The following IL17RA variants were observed in gnomAD, a reference collection of about 807,000 sequenced individuals.
The protein encoded by IL17RA is interleukin-17 receptor A.
A neutral mutation model predicts 50.4 loss-of-function variants in IL17RA; 34 were observed. That is an observed-to-expected ratio of 0.67 (90% CI 0.51 to 0.90). The LOEUF is 0.90. Ranked by LOEUF, IL17RA falls within the 40% of genes least tolerant of loss-of-function variation. IL17RA has a pLI of 0.00. For missense variants in IL17RA, 1,276 were observed against 1,169.8 expected (o/e 1.09, Z -1.32); for synonymous variants, 585 against 510.4 (o/e 1.15, Z -1.97).
intron 4 of IL17RA, among the ~76,000 whole-genome samples, chr22:17,099,830 A>G (rs1403238110): frequency 6.6e-6 from 1 of 152,236 alleles, no homozygotes; most frequent in East Asian, 1.9e-4. Context: ...AAATTCAAAT[A>G]TCATTGCAAC....
intron 1 of IL17RA, among the ~76,000 whole-genome samples, chr22:17,089,836 G>A (rs772953096): frequency 6.6e-6 from 1 of 151,708 alleles, no homozygotes. Context: ...GCATGCTGCT[G>A]CATGACAGAG....
At chr22:17,101,555 G>T (rs1329712669) in intron 5 of IL17RA, among the ~76,000 whole-genome samples, 1 of 152,218 alleles carries the variant, frequency 6.6e-6, no homozygotes, top group Admixed American at 6.5e-5. Context: ...CATAGTTGGT[G>T]CTCAATATGT....
chr22:17,105,808 A>G (rs2061412420), intron 10 of IL17RA, 45 bp from the exon 11 acceptor site: 1 of 1,535,928 alleles, frequency 6.5e-7, no homozygotes, highest in Non-Finnish European at 8.9e-7. Flanking sequence ...CAGGGTGGGC[A>G]GGGCAGGCCC....
rs1163700749 is a variant in IL17RA at position 17,114,044 on chromosome 22, T to C, written c.*4224T>C. On this transcript the variant is annotated 3_prime_UTR_variant, in exon 13 of 13. Transcript: ENST00000319363. The stretch of plus-strand genomic sequence containing the variant: ...ATTATAGAAGTAATATGTGTTCCCA[T>C]ATTTGGCGTCTCTCAGGAGCTCAGG... 1.3e-5 allele frequency: 2 copies of C among 152,218 alleles called. No individual in the cohort carries two copies. Among genetic ancestry groups the C allele is most frequent in the Non-Finnish European group, 2.9e-5 (2 of 68,030 alleles). 9.4% of individuals were successfully genotyped at this position (152,218 alleles called of 1,614,324 possible).
Position 17,108,617 on chromosome 22 carries a change from G to C in IL17RA, c.1398G>C (p.Arg466=). The part of the protein sequence containing the change: ...QALLGRGAPV[R]LRCDHGKPVG... ...TCCTGGGCCGGGGGGCGCCTGTGCG[G>C]CTGCGCTGCGACCACGGAAAGCCCG... Residue 466 remains arginine (R), a synonymous_variant, in exon 13 of 13, where the codon CGG becomes CGC. Transcript: ENST00000319363. The C allele has an allele frequency of 6.2e-7, 1 of 1,604,566 alleles. No individual in the cohort carries two copies. The highest frequency in any genetic ancestry group is 8.5e-7 in the Non-Finnish European group (1 of 1,179,608).
intron 5 of IL17RA, among the ~76,000 whole-genome samples, chr22:17,101,123 A>C (rs2061389770): frequency 6.6e-6 from 1 of 152,152 alleles, no homozygotes; most frequent in Admixed American, 6.5e-5. Context: ...TTGCTATCCT[A>C]GCTCAATGCA....
chr22:17,088,082 G>T (rs2061334585), intron 1 of IL17RA, among the ~76,000 whole-genome samples: 1 of 152,170 alleles, frequency 6.6e-6, no homozygotes, highest in African/African-American at 2.4e-5. Context: ...TTACAAGGTT[G>T]GCAGGATGAA....
At chr22:17,097,597 A>G in intron 2 of IL17RA, 200 bp from the exon 3 acceptor site, 1 of 614,146 alleles carries the variant, frequency 1.6e-6, no homozygotes, top group South Asian at 2.0e-5. Context: ...TTCCCTTTAG[A>G]CTTGAGAGGT....
intron 9 of IL17RA, among the ~76,000 whole-genome samples, 188 bp downstream of exon 9, chr22:17,104,998 G>GGA (rs1273443946): frequency 2.6e-5 from 4 of 152,168 alleles, no homozygotes; most frequent in Non-Finnish European, 2.9e-5. Flanking sequence ...TGGACTCCTG[G>GGA]CTGTCTTTCA....
intron 1 of IL17RA, among the ~76,000 whole-genome samples, chr22:17,088,006 GTTC>G (rs1003597984): frequency 6.6e-6 from 1 of 152,168 alleles, no homozygotes; most frequent in African/African-American, 2.4e-5. Flanking sequence ...ACAAAGTTGT[GTTC>G]TTTGTGCCAG....
At position 17,085,149 on chromosome 22, in the gene IL17RA, C is replaced by T. The variant is rs1189553717; in HGVS notation, c.58C>T (p.Leu20=). ...CCCGGGGCCCCTGCTGGGGCTGCTC[C>T]TGCTGCTCCTGGGCGTGCTGGCCCC... ...AVPGPLLGLL[L]LLLGVLAPGG... The change falls in exon 1 of 13, where the codon CTG becomes TTG. Residue 20 remains leucine (L), a synonymous_variant. Transcript: ENST00000319363. 1.3e-6 allele frequency: 2 copies of T among 1,512,176 alleles called. No homozygotes were observed. Among genetic ancestry groups the T allele is most frequent in the Non-Finnish European group, 1.8e-6 (2 of 1,136,020 alleles). The allele number at this position is 1,512,176 out of a possible 1,614,324, so 93.7% of individuals were successfully genotyped here.
At chr22:17,104,234 T>A (rs112246156) in intron 8 of IL17RA, among the ~76,000 whole-genome samples, 11 of 29,000 alleles carry the variant, frequency 3.8e-4, no homozygotes, top group South Asian at 1.5e-3. Context: ...AGGTGGAGAG[T>A]GTGGTGTGGC....
intron 5 of IL17RA, among the ~76,000 whole-genome samples, chr22:17,100,882 T>C (rs1445569099): frequency 6.6e-6 from 1 of 152,150 alleles, no homozygotes; most frequent in Non-Finnish European, 1.5e-5. Flanking sequence ...CCTTCCACCT[T>C]ACATTCTGCC....
rs1394917307 is a variant in IL17RA at position 17,109,562 on chromosome 22, C to T, written c.2343C>T (p.Pro781=). ...PAMVLTDPHT[P]YEEEQRQSVQ... Reference sequence around the variant, plus strand: ...TGGTCCTCACAGACCCACACACGCCCTACGAGGAGGAGCAGCGGCAGTCAG... The same window carrying T: ...TGGTCCTCACAGACCCACACACGCCTTACGAGGAGGAGCAGCGGCAGTCAG... The change falls in exon 13 of 13, where the codon CCC becomes CCT. Residue 781 remains proline, a synonymous_variant. Coordinates refer to ENST00000319363, the MANE Select transcript of IL17RA (RefSeq NM_014339.7). 3.1e-6 allele frequency: 5 copies of T among 1,600,288 alleles called. No individual in the cohort carries two copies. Among genetic ancestry groups the T allele is most frequent in the Non-Finnish European group, 3.4e-6 (4 of 1,173,506 alleles).
In IL17RA at chr22:17,112,336, GC is replaced by G. The variant is rs1292790007; in HGVS notation, c.*2517del. On this transcript the variant is annotated 3_prime_UTR_variant, in exon 13 of 13. Transcript: ENST00000319363. ...TACCATACAATCCACAATTGACCCTGCACAATTTGATGCCGGTTTAGTATAG... is the reference window on the plus strand; with the variant it reads ...TACCATACAATCCACAATTGACCCTGACAATTTGATGCCGGTTTAGTATAG... 1 of 152,178 alleles carries G rather than the reference GC, an allele frequency of 6.6e-6. No individual in the cohort carries two copies. Among genetic ancestry groups the G allele is most frequent in the African/African-American group, 2.4e-5 (1 of 41,420 alleles). 9.4% of individuals were successfully genotyped at this position (152,178 alleles called of 1,614,324 possible). A position where few individuals can be genotyped will look rare whatever the true frequency, so the allele number is the denominator to read the frequency against.
Position 17,114,234 on chromosome 22 carries a change from C to T in IL17RA, c.*4414C>T, listed in dbSNP as rs1286134828. Reference sequence around the variant, plus strand: ...CCGACGCTTTCCCCACGGGGCCTCCCCTCACTCTGAAATGGCATCCAGGTC... The same window carrying T: ...CCGACGCTTTCCCCACGGGGCCTCCTCTCACTCTGAAATGGCATCCAGGTC... On this transcript the variant is annotated 3_prime_UTR_variant, in exon 13 of 13. Transcript: ENST00000319363. 6.6e-6 allele frequency: 1 copy of T among 152,406 alleles called. No individual in the cohort carries two copies. Among genetic ancestry groups the T allele is most frequent in the Admixed American group, 6.5e-5 (1 of 15,286 alleles). 9.4% of individuals were successfully genotyped at this position (152,406 alleles called of 1,614,324 possible). A position where few individuals can be genotyped will look rare whatever the true frequency, so the allele number is the denominator to read the frequency against.
intron 1 of IL17RA, 34 bp downstream of exon 1, chr22:17,085,263 G>T (rs773043629): frequency 2.0e-6 from 3 of 1,535,936 alleles, no homozygotes; most frequent in Non-Finnish European, 2.6e-6. Context: ...TAGCCGCCAG[G>T]ATGCTGCGGA....
intron 1 of IL17RA, among the ~76,000 whole-genome samples, chr22:17,090,025 A>C (rs1344469428): frequency 1.3e-5 from 2 of 151,970 alleles, no homozygotes; most frequent in African/African-American, 4.8e-5. Flanking sequence ...TAATTCTATA[A>C]ATTTTTTTTT....
At chr22:17,091,012 T>C (rs967794637) in intron 1 of IL17RA, among the ~76,000 whole-genome samples, 1 of 152,208 alleles carries the variant, frequency 6.6e-6, no homozygotes, top group African/African-American at 2.4e-5. Context: ...CACACTGTTC[T>C]CCAGCCCCAG....
Sources: gnomAD v4.1 joint callset for allele counts (sites outside exome capture counted in the v4.1 genomes callset) on GRCh38, gnomAD v4.1.1 for gene constraint, MANE v1.5 for transcripts, NCBI Gene and HGNC (gene_info 2026-07-23, HGNC 2026-07-21) for gene names.